The following MOV10L1 variants were observed in gnomAD, a reference collection of about 807,000 sequenced individuals.
The protein encoded by MOV10L1 is RNA helicase Mov10l1.
In MOV10L1, 110 loss-of-function variants were observed where a neutral mutation model predicts 143.8. The ratio of observed to expected loss-of-function variants is 0.76; its 90% confidence interval spans 0.66 to 0.90. The LOEUF (loss-of-function observed/expected upper bound fraction) is 0.90. Among genes scored for constraint, MOV10L1 ranks in the 40% least tolerant of loss-of-function variants. The pLI is 0.00. For synonymous variants in MOV10L1, 593 were observed against 581.1 expected (o/e 1.02, Z -0.29); for missense variants, 1,406 against 1,526.8 (o/e 0.92, Z 1.32).
chr22:50,091,920 C>G, intron 1 of MOV10L1, 81 bp from the exon 2 acceptor site: 3 of 1,409,612 alleles, frequency 2.1e-6, no homozygotes, highest in Non-Finnish European at 2.9e-6. Flanking sequence ...GGCTTTTGCA[C>G]TCTGCCTTTC....
chr22:50,140,839 C>T (rs747131748), intron 15 of MOV10L1, among the ~76,000 whole-genome samples: 3 of 152,094 alleles, frequency 2.0e-5, no homozygotes, highest in Non-Finnish European at 4.4e-5. Flanking sequence ...CCTTCCACCT[C>T]AGCCTCCTGA....
intron 6 of MOV10L1, 124 bp downstream of exon 6, chr22:50,113,912 CTTTTTTT>C (rs67071955): frequency 2.2e-4 from 58 of 263,340 alleles, no homozygotes; most frequent in South Asian, 4.4e-4. Context: ...AAGATCTTTT[CTTTTTTT>C]TTTTTTTTTT....
At chr22:50,092,330 A>G (rs778433165) in intron 2 of MOV10L1, 145 bp downstream of exon 2, 64 of 749,132 alleles carry the variant, frequency 8.5e-5, no homozygotes, top group Admixed American at 1.2e-4. Flanking sequence ...GCTCTTTATG[A>G]TTTATGTTTT....
intron 18 of MOV10L1, among the ~76,000 whole-genome samples, chr22:50,144,935 T>C (rs1274703294): frequency 6.6e-6 from 1 of 151,880 alleles, no homozygotes; most frequent in African/African-American, 2.4e-5. Flanking sequence ...GAGCGAAGTA[T>C]TGCTTTTATT....
At chr22:50,146,908 C>A in intron 19 of MOV10L1, 2 of 672,020 alleles carry the variant, frequency 3.0e-6, no homozygotes, top group Non-Finnish European at 2.6e-6. Context: ...TCAAAATCCA[C>A]CATGTATTTT....
intron 19 of MOV10L1, chr22:50,146,959 G>T: frequency 9.1e-7 from 1 of 1,101,914 alleles, no homozygotes; most frequent in Non-Finnish European, 1.3e-6. Flanking sequence ...CCACTGTGCG[G>T]TGCCCGAGAG....
intron 3 of MOV10L1, 87 bp downstream of exon 3, chr22:50,099,689 T>A: frequency 6.9e-7 from 1 of 1,448,214 alleles, no homozygotes; most frequent in Non-Finnish European, 9.4e-7. Context: ...GGCTCATGCC[T>A]ATAATCCCAG....
intron 3 of MOV10L1, among the ~76,000 whole-genome samples, chr22:50,104,614 A>G (rs1358425868): frequency 1.3e-5 from 2 of 152,210 alleles, no homozygotes; most frequent in Non-Finnish European, 1.5e-5. Flanking sequence ...TGATTTTATT[A>G]TATTAGTGGA....
At chr22:50,110,194 A>G (rs984349872) in intron 5 of MOV10L1, among the ~76,000 whole-genome samples, 1 of 152,080 alleles carries the variant, frequency 6.6e-6, no homozygotes, top group African/African-American at 2.4e-5. Context: ...TCACGCCCGT[A>G]ATACCAGCAC....
Position 50,161,410 on chromosome 22 carries a change from A to G in MOV10L1, c.3597A>G (p.Pro1199=), listed in dbSNP as rs1199410625. 3 of 1,601,440 alleles carry G rather than the reference A, an allele frequency of 1.9e-6. No homozygotes were observed. The highest frequency in any genetic ancestry group is 1.7e-5 in the Admixed American group (1 of 58,372). ...CAGACCCCTCCTACCCAGTGGTGCC[A>G]GAATCCACAGGACCAGAGAAGCATC... ...GVADPSYPVV[P]ESTGPEKHQE... The change falls in exon 27 of 27, where the codon CCA becomes CCG. Residue 1199 remains proline, a synonymous_variant. Transcript: ENST00000262794.
intron 10 of MOV10L1, among the ~76,000 whole-genome samples, chr22:50,121,297 A>T (rs751972277): frequency 6.6e-6 from 1 of 152,116 alleles, no homozygotes; most frequent in Non-Finnish European, 1.5e-5. Context: ...ATCCTTTCCA[A>T]ATACACCTCC....
rs929396267 is a variant in MOV10L1, at chr22:50,150,506, GGGCAGATGGCAGGACTTCGGGGA to G, written c.2728-210_2728-188del. On this transcript the variant is annotated intron_variant, in intron 20 of 26. Coordinates refer to ENST00000262794, the MANE Select transcript of MOV10L1 (RefSeq NM_018995.3). ...GAGAGAAAACCAGGCTGCAGAAGCC[GGGCAGATGGCAGGACTTCGGGGA>G]GGCAGATGGCAGGACTTCAGGGGGA... Among the ~76,000 whole-genome samples, 82 of 152,322 alleles carry G rather than the reference GGGCAGATGGCAGGACTTCGGGGA, an allele frequency of 5.4e-4. 2 individuals are homozygous for G. The highest frequency in any genetic ancestry group is 9.8e-4 in the Admixed American group (15 of 15,302).
At chr22:50,157,959 T>C in intron 22 of MOV10L1, 98 bp from the exon 23 acceptor site, 5 of 1,383,144 alleles carry the variant, frequency 3.6e-6, no homozygotes, top group Non-Finnish European at 5.0e-6. Flanking sequence ...TTCTGTCATA[T>C]TCAGTGTGTA....
intron 3 of MOV10L1, among the ~76,000 whole-genome samples, chr22:50,106,463 G>A (rs1040936639): frequency 1.3e-5 from 2 of 148,310 alleles, no homozygotes; most frequent in Non-Finnish European, 3.0e-5. Flanking sequence ...CCATGATTCT[G>A]CTGGAAAAAA....
At position 50,115,155 on chromosome 22, in the gene MOV10L1, A is replaced by G. The variant is rs774137112; in HGVS notation, c.1168A>G (p.Ile390Val). The change falls in exon 8 of 27, where the codon ATT (isoleucine) becomes GTT (valine). Residue 390 changes from isoleucine (I) to valine (V), a missense_variant. Ile to Val is a conservative substitution (Grantham distance 29). Coordinates refer to ENST00000262794, the MANE Select transcript of MOV10L1 (RefSeq NM_018995.3). ...CKGENGEKDN[I>V]LSRKQMTEPE... ...AGGAGAAAATGGAGAAAAAGACAAC[A>G]TTCTATCAAGGAAGCAGATGACAGA... 3.2e-6 allele frequency: 5 copies of G among 1,573,376 alleles called. No individual in the cohort carries two copies. The African/African-American group carries it at 4.2e-5, about 13-fold the overall frequency.
At chr22:50,137,869 TACAC>T in intron 15 of MOV10L1, among the ~76,000 whole-genome samples, 1 of 148,026 alleles carries the variant, frequency 6.8e-6, no homozygotes, top group African/African-American at 2.5e-5. Context: ...TTTTTATATA[TACAC>T]ACATATTTTA....
chr22:50,151,147 A>G (rs79304), intron 21 of MOV10L1, among the ~76,000 whole-genome samples: 107,449 of 152,192 alleles, frequency 0.71, 38,808 homozygotes, highest in South Asian at 0.8. Flanking sequence ...AAGAAAAGCA[A>G]GAAATAATTT....
At chr22:50,157,371 C>A (rs1363468326) in intron 22 of MOV10L1, among the ~76,000 whole-genome samples, 5 of 152,154 alleles carry the variant, frequency 3.3e-5, no homozygotes, top group African/African-American at 1.2e-4. Context: ...TTAGTTATTG[C>A]CAGTGGCTTT....
rs1569287184 is a variant in MOV10L1 at position 50,114,562 on chromosome 22, A to G, written c.1066A>G (p.Lys356Glu). 6.2e-7 allele frequency: 1 copy of G among 1,614,220 alleles called. No homozygotes were observed. The highest frequency in any genetic ancestry group is 1.3e-5 in the African/African-American group (1 of 75,052). ...ENINSLNSHTKNKTSQMSESS... is the reference protein window; with the variant it reads ...ENINSLNSHTENKTSQMSESS... ...TATTAATTCATTAAATAGCCACACA[A>G]AAAACAAAACCTCTCAGATGTCGGA... The change falls in exon 7 of 27, where the codon AAA (lysine) becomes GAA (glutamate). Residue 356 changes from lysine to glutamate, a missense_variant. Physicochemically the swap from Lys to Glu is moderately conservative, Grantham distance 56. Transcript: ENST00000262794.
Sources: gnomAD v4.1 joint callset for allele counts (sites outside exome capture counted in the v4.1 genomes callset) on GRCh38, gnomAD v4.1.1 for gene constraint, MANE v1.5 for transcripts, NCBI Gene and HGNC (gene_info 2026-07-23, HGNC 2026-07-21) for gene names.